Variants in SRRM4 observed in about 807,000 individuals in gnomAD.
SRRM4 encodes serine/arginine repetitive matrix protein 4.
In SRRM4, 33 loss-of-function variants were observed where a neutral mutation model predicts 68.9. The observed-to-expected ratio is 0.48, with a 90% confidence interval of 0.36 to 0.64. SRRM4 has a LOEUF of 0.64. Among genes scored for constraint, SRRM4 ranks in the 30% least tolerant of loss-of-function variants. SRRM4 has a pLI of 0.00. For synonymous variants in SRRM4, 318 were observed against 318.8 expected, an observed-to-expected ratio of 1.00 and a Z score of 0.03; for missense variants, 817 against 827.1, an observed-to-expected ratio of 0.99 and a Z score of 0.15.
Position 119,156,973 on chromosome 12 carries a change from G to T in SRRM4, c.*175G>T. On this transcript the variant is annotated 3_prime_UTR_variant, in exon 13 of 13. Transcript: ENST00000267260. ...GGGGCTTCACTCTCTAGATCAGCCT[G>T]CTAGGAGCCTCTACCAGCATCATCC... is the stretch of plus-strand genomic sequence containing the variant. 1.3e-6 allele frequency: 1 copy of T among 744,260 alleles called. No individual in the cohort carries two copies. Among genetic ancestry groups the T allele is most frequent in the Non-Finnish European group, 2.1e-6 (1 of 476,858 alleles). The allele number at this position is 744,260 out of a possible 1,614,324, so 46.1% of individuals were successfully genotyped here. A position where few individuals can be genotyped will look rare whatever the true frequency, so the allele number is the denominator to read the frequency against.
chr12:118,981,796 C>T lies in SRRM4; in HGVS notation c.-87C>T, dbSNP rs992253106. On this transcript the variant is annotated 5_prime_UTR_variant, in exon 1 of 13. Coordinates refer to ENST00000267260, the MANE Select transcript of SRRM4 (RefSeq NM_194286.4). Reference sequence around the variant, plus strand: ...CTCTCTGGGTTTCACCCGGACAGAGCCGGGAGCTGGGTGTCGCCCCCGTTT... The same window carrying T: ...CTCTCTGGGTTTCACCCGGACAGAGTCGGGAGCTGGGTGTCGCCCCCGTTT... The T allele has an allele frequency of 3.6e-5, 53 of 1,479,154 alleles. No homozygotes were observed. The highest frequency in any genetic ancestry group is 4.1e-5 in the Admixed American group (2 of 48,650). 91.6% of individuals were successfully genotyped at this position (1,479,154 alleles called of 1,614,324 possible).
In SRRM4 at chr12:119,102,320, G is replaced by T. The variant is rs1954082523; in HGVS notation, c.216G>T (p.Leu72Phe). The change falls in exon 2 of 13, where the codon TTG (leucine) becomes TTT (phenylalanine). Residue 72 changes from leucine (L) to phenylalanine (F), a missense_variant. Leu to Phe is a conservative substitution (Grantham distance 22). Coordinates refer to ENST00000267260, the MANE Select transcript of SRRM4 (RefSeq NM_194286.4). ...GTCAGCATCTGGCCACCGAGCCCTT[G>T]GGCACCAACAGTTGGGAGAGAGACA... ...KLGQHLATEP[L>F]GTNSWERDKT... 1 of 1,613,524 alleles carries T rather than the reference G, an allele frequency of 6.2e-7. No individual in the cohort carries two copies. The highest frequency in any genetic ancestry group is 8.5e-7 in the Non-Finnish European group (1 of 1,179,720).
intron 1 of SRRM4, 23 bp downstream of exon 1, chr12:118,982,036 G>A (rs1953250925): frequency 2.5e-6 from 4 of 1,595,478 alleles, no homozygotes; most frequent in Non-Finnish European, 2.6e-6. Context: ...TTCTTAGAAG[G>A]GGGGATCCTG....
At chr12:119,112,572 G>C (rs1954151615) in intron 2 of SRRM4, among the ~76,000 whole-genome samples, 1 of 152,122 alleles carries the variant, frequency 6.6e-6, no homozygotes, top group Non-Finnish European at 1.5e-5. Flanking sequence ...ATGATAGGCT[G>C]GATAAAGAAA....
intron 1 of SRRM4, among the ~76,000 whole-genome samples, chr12:119,100,239 C>T (rs1361252031): frequency 1.3e-5 from 2 of 149,076 alleles, no homozygotes; most frequent in East Asian, 2.0e-4. Context: ...ACCTGTAATC[C>T]CAGCACTTTG....
intron 1 of SRRM4, among the ~76,000 whole-genome samples, chr12:119,059,402 T>C (rs1173444673): frequency 1.3e-5 from 2 of 152,130 alleles, no homozygotes; most frequent in Non-Finnish European, 2.9e-5. Flanking sequence ...AAAAGGCACA[T>C]TTATCAAGGA....
chr12:119,121,149 G>A (rs4767784), intron 5 of SRRM4, among the ~76,000 whole-genome samples: 50,193 of 152,058 alleles, frequency 0.33, 9,388 homozygotes, highest in African/African-American at 0.51. Context: ...CTTGGGTCCA[G>A]TTGAATTTGG....
At chr12:119,020,750 A>G (rs1406831793) in intron 1 of SRRM4, among the ~76,000 whole-genome samples, 1 of 152,222 alleles carries the variant, frequency 6.6e-6, no homozygotes, top group Non-Finnish European at 1.5e-5. Flanking sequence ...TAATTACAAG[A>G]GGGGCTGGCG....
intron 1 of SRRM4, among the ~76,000 whole-genome samples, chr12:119,086,957 T>G (rs1953982882): frequency 6.6e-6 from 1 of 152,152 alleles, no homozygotes; most frequent in South Asian, 2.1e-4. Context: ...CTTGCCCCAT[T>G]ATGTGTTGCT....
In SRRM4 at chr12:119,151,086, G is replaced by A. The variant is rs749346406; in HGVS notation, c.1146G>A (p.Arg382=). The change falls in exon 10 of 13, where the codon CGG becomes CGA. Residue 382 remains arginine (R), a synonymous_variant. Transcript: ENST00000267260. ...KKSSLVPSTA[R]SSPMKGCSRS... ...CCAGTTTGGTCCCATCCACAGCCCG[G>A]AGCTCACCCATGAAAGGGTGTTCCC... The A allele has an allele frequency of 4.3e-6, 7 of 1,613,800 alleles. No homozygotes were observed. In the Admixed American group the frequency reaches 5.0e-5, roughly 12 times the overall value.
chr12:119,022,497 G>T (rs971872963), intron 1 of SRRM4, among the ~76,000 whole-genome samples: 1 of 152,192 alleles, frequency 6.6e-6, no homozygotes, highest in Non-Finnish European at 1.5e-5. Flanking sequence ...AGAAATGTAA[G>T]CCAGATGCCA....
intron 1 of SRRM4, among the ~76,000 whole-genome samples, chr12:119,044,158 C>T (rs547318331): frequency 7.2e-5 from 11 of 152,318 alleles, no homozygotes; most frequent in African/African-American, 2.6e-4. Flanking sequence ...TGAGCCACTG[C>T]ACCCTGCCTA....
intron 1 of SRRM4, among the ~76,000 whole-genome samples, chr12:119,100,327 C>CAAAAAAAAAAAAAAA (rs34887621): frequency 7.6e-5 from 8 of 105,418 alleles, no homozygotes; most frequent in East Asian, 2.7e-4. Flanking sequence ...CCTGTCTCTA[C>CAAAAAAAAAAAAAAA]AAAAAAAAAA....
Position 119,156,603 on chromosome 12 carries a change from C to G in SRRM4, c.1641C>G (p.Arg547=). The G allele has an allele frequency of 1.2e-6, 2 of 1,610,942 alleles. No homozygotes were observed. Among genetic ancestry groups the G allele is most frequent in the African/African-American group, 2.7e-5 (2 of 74,974 alleles). ...GCAGCAGTAGCCGCTCGGCCAGCCGCAGCTACTCCCGGAGCCGGAGTCGGA... is the reference window on the plus strand; with the variant it reads ...GCAGCAGTAGCCGCTCGGCCAGCCGGAGCTACTCCCGGAGCCGGAGTCGGA... ...YSSSSSRSAS[R]SYSRSRSRSR... The change falls in exon 13 of 13, where the codon CGC becomes CGG. Residue 547 remains arginine, a synonymous_variant. Transcript: ENST00000267260.
At chr12:119,128,842 T>A (rs1954276484) in intron 7 of SRRM4, among the ~76,000 whole-genome samples, 2 of 152,184 alleles carry the variant, frequency 1.3e-5, no homozygotes, top group South Asian at 4.1e-4. Context: ...AAATAAATGG[T>A]TAACATCACA....
chr12:119,023,565 A>G (rs1953529578), intron 1 of SRRM4, among the ~76,000 whole-genome samples: 1 of 152,220 alleles, frequency 6.6e-6, no homozygotes, highest in South Asian at 2.1e-4. Context: ...AGTCCTTACC[A>G]TCAGGCTCTG....
intron 8 of SRRM4, among the ~76,000 whole-genome samples, 174 bp downstream of exon 8, chr12:119,131,008 A>T (rs1294635832): frequency 6.6e-6 from 1 of 152,228 alleles, no homozygotes; most frequent in East Asian, 1.9e-4. Context: ...GACTTTGGCA[A>T]CACTGGCTTG....
intron 1 of SRRM4, among the ~76,000 whole-genome samples, chr12:119,037,789 A>T (rs969073487): frequency 3.3e-5 from 5 of 152,218 alleles, no homozygotes; most frequent in African/African-American, 1.2e-4. Flanking sequence ...GCCAGAGCCC[A>T]GATTTAGGAC....
intron 1 of SRRM4, among the ~76,000 whole-genome samples, chr12:119,008,039 T>C (rs780197347): frequency 3.9e-5 from 6 of 152,182 alleles, no homozygotes; most frequent in Non-Finnish European, 7.4e-5. Flanking sequence ...TCCAGGTATG[T>C]GGCACATAGT....
Sources: gnomAD v4.1 joint callset for allele counts (sites outside exome capture counted in the v4.1 genomes callset) on GRCh38, gnomAD v4.1.1 for gene constraint, MANE v1.5 for transcripts, NCBI Gene and HGNC (gene_info 2026-07-23, HGNC 2026-07-21) for gene names.